The following SCAPER variants were observed in gnomAD, a reference collection of about 807,000 sequenced individuals.
SCAPER encodes S phase cyclin A-associated protein in the endoplasmic reticulum.
Under a neutral mutation model 182.2 loss-of-function variants are expected in SCAPER, and 98 were observed. The ratio of observed to expected loss-of-function variants is 0.54; its 90% CI spans 0.46 to 0.64. The LOEUF (loss-of-function observed/expected upper bound fraction) is 0.64. Ranked by LOEUF, SCAPER falls within the 30% of genes least tolerant of loss-of-function variation. The pLI is 0.00. For missense variants in SCAPER, 1,432 were observed against 1,690.0 expected (o/e 0.85, Z 2.68); for synonymous variants, 605 against 564.6 (o/e 1.07, Z -1.01).
chr15:76,598,654 A>G (rs991358633), intron 22 of SCAPER, among the ~76,000 whole-genome samples: 1 of 121,256 alleles, frequency 8.2e-6, no homozygotes, highest in Non-Finnish European at 2.0e-5. Flanking sequence ...CTTTACAGGG[A>G]CATAGATGAA....
At chr15:76,475,042 T>C (rs2050511845) in intron 24 of SCAPER, among the ~76,000 whole-genome samples, 1 of 152,212 alleles carries the variant, frequency 6.6e-6, no homozygotes. Context: ...ATTTATTTGA[T>C]AACATGTCTA....
rs114153683 is a variant in SCAPER, at chr15:76,789,382, T to G, written c.772+5898A>C. 2.2e-3 allele frequency among the ~76,000 whole-genome samples: 337 copies of G among 152,296 alleles called. 1 individual carries two copies. Among genetic ancestry groups the G allele is most frequent in the African/African-American group, 7.7e-3 (322 of 41,584 alleles). The stretch of plus-strand genomic sequence containing the variant: ...TTAGAAGCACTATGCCTACTCATTT[T>G]ACTTTTTAAAGGAAAGAAAAACACC... On this transcript the variant is annotated intron_variant, in intron 8 of 31. Coordinates refer to ENST00000563290, the MANE Select transcript of SCAPER (RefSeq NM_020843.4).
intron 27 of SCAPER, among the ~76,000 whole-genome samples, chr15:76,388,679 G>A (rs1369969560): frequency 2.0e-5 from 3 of 152,032 alleles, no homozygotes; most frequent in East Asian, 1.9e-4. Flanking sequence ...ACAGTCAGTC[G>A]GCTGGGCGTG....
chr15:76,832,329 A>C (rs956476597), intron 5 of SCAPER, among the ~76,000 whole-genome samples: 5 of 152,270 alleles, frequency 3.3e-5, no homozygotes, highest in African/African-American at 1.2e-4. Flanking sequence ...CAGGAATTTC[A>C]CAATACAATT....
At position 76,381,404 on chromosome 15, in the gene SCAPER, C is replaced by A; in HGVS notation, c.3679G>T (p.Ala1227Ser). Residue 1227 changes from alanine to serine, a missense_variant, in exon 28 of 32, where the codon GCA (alanine) becomes TCA (serine). Physicochemically the swap from Ala to Ser is moderately conservative, Grantham distance 99 (BLOSUM62 1). Coordinates refer to ENST00000563290, the MANE Select transcript of SCAPER (RefSeq NM_020843.4). Reference sequence around the variant, plus strand: ...TGAAAAGCAGGCAGATGAAGAGCTGCAAAGCTGTTGAAGAAACGTAAACTC... The same window carrying A: ...TGAAAAGCAGGCAGATGAAGAGCTGAAAAGCTGTTGAAGAAACGTAAACTC... ...IQSLRFFNSF[A>S]ALHLPAFQSI... The A allele has an allele frequency of 1.2e-6, 2 of 1,613,620 alleles. No individual in the cohort carries two copies. The highest frequency in any genetic ancestry group is 2.7e-5 in the African/African-American group (2 of 75,006).
At chr15:76,651,022 G>C (rs2629025) in intron 21 of SCAPER, among the ~76,000 whole-genome samples, 20,991 of 151,928 alleles carry the variant, frequency 0.14, 1,517 homozygotes, top group African/African-American at 0.19. Flanking sequence ...GTAGGTATTA[G>C]AGGGAAAGTG....
intron 22 of SCAPER, among the ~76,000 whole-genome samples, chr15:76,583,162 C>A (rs2048381113): frequency 6.6e-6 from 1 of 151,892 alleles, no homozygotes; most frequent in Non-Finnish European, 1.5e-5. Flanking sequence ...ACCAGCCTGG[C>A]CAACATAGTG....
chr15:76,813,679 T>A (rs1598878334), intron 5 of SCAPER, among the ~76,000 whole-genome samples: 1 of 152,112 alleles, frequency 6.6e-6, no homozygotes, highest in African/African-American at 2.4e-5. Flanking sequence ...CAATCTATGT[T>A]AAAAAGAAAT....
intron 1 of SCAPER, among the ~76,000 whole-genome samples, chr15:76,900,982 A>T (rs1029807131): frequency 1.3e-5 from 2 of 152,196 alleles, no homozygotes. Flanking sequence ...TGCCTTTCTG[A>T]GTCTGATACT....
In SCAPER at chr15:76,755,366, G is replaced by A. The variant is rs964530174; in HGVS notation, c.1726-1418C>T. Among the ~76,000 whole-genome samples, 10 of 152,138 alleles carry A rather than the reference G, an allele frequency of 6.6e-5. 1 individual carries two copies. Among genetic ancestry groups the A allele is most frequent in the East Asian group, 5.8e-4 (3 of 5,190 alleles). On this transcript the variant is annotated intron_variant, in intron 14 of 31. Transcript: ENST00000563290. ...CTTTACTACTGTATTCAACAGAATC[G>A]TGTGCTACCTAACGCATTTTTATGA...
At chr15:76,833,514 A>G (rs1169330744) in intron 5 of SCAPER, among the ~76,000 whole-genome samples, 3 of 152,232 alleles carry the variant, frequency 2.0e-5, no homozygotes, top group Non-Finnish European at 4.4e-5. Context: ...TCACATATCA[A>G]TATTGACCTT....
chr15:76,552,510 G>GAC (rs758662747), intron 23 of SCAPER, among the ~76,000 whole-genome samples: 5 of 152,148 alleles, frequency 3.3e-5, no homozygotes, highest in Non-Finnish European at 7.4e-5. Context: ...CAGGCTCCTG[G>GAC]ACCCCAACTG....
At chr15:76,501,343 T>C (rs113146953) in intron 24 of SCAPER, among the ~76,000 whole-genome samples, 4,914 of 105,276 alleles carry the variant, frequency 0.047, 119 homozygotes, top group Middle Eastern at 0.086. Flanking sequence ...CTCAATTTCA[T>C]GTAAAAAAAA....
At chr15:76,844,772 A>T (rs538583886) in intron 4 of SCAPER, among the ~76,000 whole-genome samples, 1 of 152,294 alleles carries the variant, frequency 6.6e-6, no homozygotes, top group South Asian at 2.1e-4. Context: ...TCACTGCTAA[A>T]TTTTACCAAA....
intron 25 of SCAPER, among the ~76,000 whole-genome samples, chr15:76,448,570 T>C (rs910836077): frequency 2.6e-5 from 4 of 152,094 alleles, no homozygotes; most frequent in African/African-American, 7.2e-5. Flanking sequence ...ATGCTGTTTG[T>C]TGAAACAAAC....
intron 8 of SCAPER, among the ~76,000 whole-genome samples, chr15:76,779,340 T>C (rs2151374529): frequency 6.6e-6 from 1 of 152,194 alleles, no homozygotes; most frequent in Non-Finnish European, 1.5e-5. Context: ...ACAAAGTATG[T>C]TCACAATAGG....
intron 8 of SCAPER, among the ~76,000 whole-genome samples, chr15:76,779,901 CG>C (rs941785079): frequency 6.6e-6 from 1 of 152,158 alleles, no homozygotes; most frequent in African/African-American, 2.4e-5. Flanking sequence ...AACCAATCAA[CG>C]GGGGATCTTC....
At chr15:76,873,470 T>C (rs1209555109) in intron 2 of SCAPER, among the ~76,000 whole-genome samples, 1 of 152,102 alleles carries the variant, frequency 6.6e-6, no homozygotes, top group Non-Finnish European at 1.5e-5. Context: ...TGCTAGAGTA[T>C]ATATAGTGAT....
chr15:76,565,946 G>A (rs954389211), intron 23 of SCAPER, among the ~76,000 whole-genome samples: 5 of 152,126 alleles, frequency 3.3e-5, no homozygotes, highest in African/African-American at 1.2e-4. Flanking sequence ...TATGTAAGCT[G>A]AGAACATAGT....
Sources: gnomAD v4.1 joint callset for allele counts (sites outside exome capture counted in the v4.1 genomes callset) on GRCh38, gnomAD v4.1.1 for gene constraint, MANE v1.5 for transcripts, NCBI Gene and HGNC (gene_info 2026-07-23, HGNC 2026-07-21) for gene names.